OTOG: variants seen among roughly 807,000 people sequenced by gnomAD.
OTOG encodes the protein otogelin.
A neutral mutation model predicts 313.8 loss-of-function variants in OTOG; 296 were observed. The observed-to-expected ratio is 0.94, with a 90% confidence interval of 0.86 to 1.04. OTOG has a LOEUF of 1.04. Ranked by LOEUF, OTOG falls within the 50% of genes least tolerant of loss-of-function variation. The pLI, the probability that OTOG is intolerant of heterozygous loss-of-function variation, is 0.00. For synonymous variants in OTOG, 1,533 were observed against 1,554.9 expected (o/e 0.99, Z 0.33); for missense variants, 3,948 against 3,840.1 (o/e 1.03, Z -0.74).
At chr11:17,552,301 C>T (rs1449680796) in intron 4 of OTOG, among the ~76,000 whole-genome samples, 1 of 152,184 alleles carries the variant, frequency 6.6e-6, no homozygotes, top group Admixed American at 6.5e-5. Flanking sequence ...TGACCATGGC[C>T]CGGGACTGCC....
intron 39 of OTOG, among the ~76,000 whole-genome samples, chr11:17,624,078 C>A (rs1853925842): frequency 6.6e-6 from 1 of 152,146 alleles, no homozygotes; most frequent in African/African-American, 2.4e-5. Context: ...GTATAGTTTG[C>A]AAAAATTTTT....
Position 17,643,506 on chromosome 11 carries a change from T to C in OTOG, c.8461T>C (p.Cys2821Arg). Residue 2821 changes from cysteine (C) to arginine (R), a missense_variant and splice_region_variant, in exon 54 of 56, where the codon TGT (cysteine) becomes CGT (arginine). Physicochemically the swap from Cys to Arg is radical, Grantham distance 180. Coordinates refer to ENST00000399397, the MANE Select transcript of OTOG (RefSeq NM_001292063.2). ...TTCCTTGGAAGGATGCTGCAGGACC[T>C]GTGAGTGAGCATGGTGGGGGCCCAG... ...VPSLEGCCRT[C>R]KEDGRSCKKV... 1 of 1,432,196 alleles carries C rather than the reference T, an allele frequency of 7.0e-7. No homozygotes were observed. The highest frequency in any genetic ancestry group is 2.6e-5 in the Admixed American group (1 of 38,408). 88.7% of individuals were successfully genotyped at this position (1,432,196 alleles called of 1,614,324 possible). A position where few individuals can be genotyped will look rare whatever the true frequency, so the allele number is the denominator to read the frequency against.
At chr11:17,628,997 T>C (rs1403349529) in intron 39 of OTOG, 136 bp from the exon 40 acceptor site, 1 of 862,156 alleles carries the variant, frequency 1.2e-6, no homozygotes, top group East Asian at 2.8e-5. Flanking sequence ...GCCTGGCACA[T>C]AGCAGATGCC....
intron 24 of OTOG, among the ~76,000 whole-genome samples, chr11:17,588,929 T>A (rs1452092069): frequency 6.6e-6 from 1 of 152,052 alleles, no homozygotes; most frequent in African/African-American, 2.4e-5. Flanking sequence ...CACAGGGATT[T>A]CTCATCCATG....
chr11:17,559,465 G>A, intron 11 of OTOG, 69 bp from the exon 12 acceptor site: 3 of 1,542,956 alleles, frequency 1.9e-6, no homozygotes, highest in Non-Finnish European at 2.6e-6. Flanking sequence ...TCCACGGCCT[G>A]GGGTAGGAGC....
rs1848059527 is a variant in OTOG, at chr11:17,645,633, G to A, written c.8531G>A (p.Ser2844Asn). ...ACCATCCGCAAGAATGAATGCAGGA[G>A]CAGCACCCCTGTGCGTGGTGCCCAC... Reference protein sequence around the residue: ...RMTIRKNECRSSTPVNLVSCD... With the variant: ...RMTIRKNECRNSTPVNLVSCD... The change falls in exon 55 of 56, where the codon AGC becomes AAC. Residue 2844 changes from serine to asparagine, a missense_variant. Ser to Asn is a conservative substitution (Grantham distance 46). Coordinates refer to ENST00000399397, the MANE Select transcript of OTOG (RefSeq NM_001292063.2). The A allele has an allele frequency of 1.9e-6, 3 of 1,550,702 alleles. No individual in the cohort carries two copies. The highest frequency in any genetic ancestry group is 2.6e-6 in the Non-Finnish European group (3 of 1,147,012).
In OTOG at chr11:17,548,168, G is replaced by T; in HGVS notation, c.172G>T (p.Ala58Ser). 2 of 1,548,142 alleles carry T rather than the reference G, an allele frequency of 1.3e-6. No individual in the cohort carries two copies. The highest frequency in any genetic ancestry group is 1.7e-6 in the Non-Finnish European group (2 of 1,145,584). ...AGQPSSSHQE[A>S]TLAMGDKATV... is the part of the protein sequence containing the mutation. ...TTCCTCCAGCAGCAGCCACCAGGAG[G>T]CGACCCTTGCCATGGGGGACAAGGC... The change falls in exon 3 of 56, where the codon GCG becomes TCG. Residue 58 changes from alanine (A) to serine (S), a missense_variant. By Grantham distance (99) the Ala-to-Ser change is moderately conservative (BLOSUM62 1). Transcript: ENST00000399397.
chr11:17,572,433 C>T (rs928547371), intron 18 of OTOG, among the ~76,000 whole-genome samples: 1 of 152,246 alleles, frequency 6.6e-6, no homozygotes, highest in Non-Finnish European at 1.5e-5. Context: ...ATACTGGCTT[C>T]TCCATCTCAG....
At chr11:17,561,185 T>C (rs553890119) in intron 14 of OTOG, 48 bp downstream of exon 14, 3 of 1,547,936 alleles carry the variant, frequency 1.9e-6, no homozygotes, top group African/African-American at 1.4e-5. Context: ...ACCAGTCTGA[T>C]AGGTTTTGGG....
chr11:17,634,187 C>T lies in OTOG; in HGVS notation c.7386C>T (p.Gly2462=). ...APDTIVPVDL[G]CPSPRPESCL... ...ACACCATTGTCCCGGTGGATCTGGG[C>T]TGCCCCAGTCCCCGCCCTGAGAGCT... is the stretch of plus-strand genomic sequence containing the variant. The change falls in exon 44 of 56, where the codon GGC becomes GGT. Residue 2462 remains glycine, a synonymous_variant. Coordinates refer to ENST00000399397, the MANE Select transcript of OTOG (RefSeq NM_001292063.2). 1 of 1,550,372 alleles carries T rather than the reference C, an allele frequency of 6.5e-7. No homozygotes were observed. Among genetic ancestry groups the T allele is most frequent in the Non-Finnish European group, 8.7e-7 (1 of 1,146,952 alleles).
At position 17,602,396 on chromosome 11, in the gene OTOG, C is replaced by A. The variant is rs1482578967; in HGVS notation, c.3877+19C>A. ...GCCCATGGTAAGGCCCATCCCAGTC[C>A]CACTCCAGCTCTTCTGGGAGGCAGG... is the stretch of plus-strand genomic sequence containing the variant. On this transcript the variant is annotated intron_variant, in intron 32 of 55. Transcript: ENST00000399397. 6.5e-7 allele frequency: 1 copy of A among 1,544,022 alleles called. No individual in the cohort carries two copies.
chr11:17,560,469 T>C (rs990126695), intron 12 of OTOG, among the ~76,000 whole-genome samples: 5 of 152,124 alleles, frequency 3.3e-5, no homozygotes. Context: ...GAAGCTCGTG[T>C]GCAGGTTGGG....
chr11:17,624,444 T>C (rs1047310094), intron 39 of OTOG, among the ~76,000 whole-genome samples: 2 of 152,226 alleles, frequency 1.3e-5, no homozygotes, highest in African/African-American at 4.8e-5. Context: ...GGTGACTTTG[T>C]AGAAGATCAG....
At position 17,610,284 on chromosome 11, in the gene OTOG, G is replaced by T. The variant is rs1407028917; in HGVS notation, c.4984G>T (p.Gly1662Ter). The change falls in exon 36 of 56, where the codon GGA (glycine) becomes TGA (stop). Residue 1662 changes from glycine to a stop codon, truncating the protein, a stop_gained. Transcript: ENST00000399397. LOFTEE classifies it high-confidence loss of function. ...CATCTCCAGGTCCCCCACCTCCTCGGGATCCCACAAGGCTGTGCTGACACC... is the reference window on the plus strand; with the variant it reads ...CATCTCCAGGTCCCCCACCTCCTCGTGATCCCACAAGGCTGTGCTGACACC... ...GAISRSPTSS[G>*]SHKAVLTPAV... 2.7e-5 allele frequency: 42 copies of T among 1,550,448 alleles called. No individual in the cohort carries two copies. Among genetic ancestry groups the T allele is most frequent in the Non-Finnish European group, 3.4e-5 (39 of 1,146,964 alleles).
intron 24 of OTOG, among the ~76,000 whole-genome samples, chr11:17,588,129 G>C (rs1232128352): frequency 6.6e-6 from 1 of 152,192 alleles, no homozygotes; most frequent in Non-Finnish European, 1.5e-5. Flanking sequence ...CATAGGAGAG[G>C]CTGACTGGCC....
At chr11:17,594,447 G>C (rs140475093) in intron 28 of OTOG, among the ~76,000 whole-genome samples, 4 of 152,320 alleles carry the variant, frequency 2.6e-5, no homozygotes, top group Middle Eastern at 3.4e-3. Flanking sequence ...AGGAGAGATG[G>C]TCACTCATGA....
chr11:17,611,014 G>T lies in OTOG; in HGVS notation c.5714G>T (p.Ser1905Ile). ...ASMVSVVPRK[S>I]TTGKVAILSK... ...ATGGTATCTGTTGTCCCACGAAAGA[G>T]CACCACAGGGAAGGTGGCCATCCTA... The change falls in exon 36 of 56, where the codon AGC (serine) becomes ATC (isoleucine). Residue 1905 changes from serine (S) to isoleucine (I), a missense_variant. By Grantham distance (142) the Ser-to-Ile change is moderately radical. Transcript: ENST00000399397. 1.3e-6 allele frequency: 2 copies of T among 1,550,582 alleles called. No individual in the cohort carries two copies. The highest frequency in any genetic ancestry group is 1.7e-6 in the Non-Finnish European group (2 of 1,147,016).
At chr11:17,592,052 AG>A (rs1479831274) in intron 25 of OTOG, among the ~76,000 whole-genome samples, 1 of 152,150 alleles carries the variant, frequency 6.6e-6, no homozygotes, top group Middle Eastern at 3.2e-3. Context: ...GCTGGGGTCA[AG>A]TTTGACCAAG....
At chr11:17,558,489 T>TG in intron 9 of OTOG, 49 bp from the exon 10 acceptor site, 1 of 1,542,896 alleles carries the variant, frequency 6.5e-7, no homozygotes. Context: ...TGTGGGGCTG[T>TG]GTGTGGCTTT....
Sources: gnomAD v4.1 joint callset for allele counts (sites outside exome capture counted in the v4.1 genomes callset) on GRCh38, gnomAD v4.1.1 for gene constraint, MANE v1.5 for transcripts, NCBI Gene and HGNC (gene_info 2026-07-23, HGNC 2026-07-21) for gene names.